ZNF804A: variants seen among roughly 807,000 people sequenced by gnomAD.
The protein encoded by ZNF804A is zinc finger protein 804A.
In ZNF804A, 2 loss-of-function variants were observed where a neutral mutation model predicts 16.5. The ratio of observed to expected loss-of-function variants is 0.12; its 90% CI spans 0.05 to 0.38. ZNF804A has a LOEUF of 0.38. ZNF804A is among the 10% of genes least tolerant of loss of function. The pLI, the probability that ZNF804A is intolerant of heterozygous loss-of-function variation, is 0.99. For missense variants in ZNF804A, 1,473 were observed against 1,390.7 expected, an observed-to-expected ratio of 1.06 and a Z score of -0.94; for synonymous variants, 534 against 489.6, an observed-to-expected ratio of 1.09 and a Z score of -1.20.
intron 2 of ZNF804A, among the ~76,000 whole-genome samples, chr2:184,902,724 T>TA (rs1685206781): frequency 6.6e-6 from 1 of 152,196 alleles, no homozygotes; most frequent in Non-Finnish European, 1.5e-5. Context: ...TTCTTTTTTT[T>TA]ACCTTATAAA....
intron 1 of ZNF804A, among the ~76,000 whole-genome samples, chr2:184,625,377 G>A (rs566844591): frequency 1.3e-5 from 2 of 152,000 alleles, no homozygotes; most frequent in South Asian, 4.2e-4. Flanking sequence ...TAGTTAACTT[G>A]AATGTTTAAC....
At chr2:184,707,413 A>AC (rs1693048256) in intron 1 of ZNF804A, among the ~76,000 whole-genome samples, 1 of 152,130 alleles carries the variant, frequency 6.6e-6, no homozygotes, top group African/African-American at 2.4e-5. Flanking sequence ...TGAGCATAGT[A>AC]CCCAGTAGGT....
At chr2:184,670,022 GT>G (rs1379764201) in intron 1 of ZNF804A, among the ~76,000 whole-genome samples, 1 of 152,022 alleles carries the variant, frequency 6.6e-6, no homozygotes, top group Non-Finnish European at 1.5e-5. Context: ...TTTTCACTAA[GT>G]TTTTAATGAT....
intron 1 of ZNF804A, among the ~76,000 whole-genome samples, chr2:184,668,877 G>A (rs1692296146): frequency 6.6e-6 from 1 of 151,804 alleles, no homozygotes; most frequent in African/African-American, 2.4e-5. Flanking sequence ...CCCGAGAATT[G>A]GTAGGCCTAG....
intron 1 of ZNF804A, among the ~76,000 whole-genome samples, chr2:184,614,499 A>G (rs1383999499): frequency 6.6e-6 from 1 of 152,216 alleles, no homozygotes; most frequent in African/African-American, 2.4e-5. Context: ...TGAACAGGCA[A>G]TCTACAGAAT....
intron 1 of ZNF804A, among the ~76,000 whole-genome samples, chr2:184,681,183 C>A (rs1692532977): frequency 6.6e-6 from 1 of 152,094 alleles, no homozygotes; most frequent in African/African-American, 2.4e-5. Context: ...TGGGCCCAGG[C>A]AAAACTCAGG....
intron 1 of ZNF804A, among the ~76,000 whole-genome samples, chr2:184,676,585 A>T (rs1406123625): frequency 6.6e-6 from 1 of 151,748 alleles, no homozygotes; most frequent in African/African-American, 2.4e-5. Context: ...CTACAATATC[A>T]TATACAATAT....
At chr2:184,828,549 C>T (rs539996776) in intron 1 of ZNF804A, among the ~76,000 whole-genome samples, 27 of 151,428 alleles carry the variant, frequency 1.8e-4, no homozygotes, top group African/African-American at 6.0e-4. Context: ...TACCTTCCCC[C>T]TCAATTTTGT....
intron 2 of ZNF804A, among the ~76,000 whole-genome samples, chr2:184,892,883 A>T (rs534547594): frequency 7.0e-4 from 107 of 152,178 alleles, no homozygotes; most frequent in Middle Eastern, 3.4e-3. Context: ...TGTATTTATG[A>T]TTATATTTTG....
At chr2:184,699,925 A>G (rs1280719200) in intron 1 of ZNF804A, among the ~76,000 whole-genome samples, 1 of 152,066 alleles carries the variant, frequency 6.6e-6, no homozygotes, top group Non-Finnish European at 1.5e-5. Context: ...ATCTCACTCA[A>G]ACAATACGCC....
At chr2:184,935,504 G>T (rs1295826071) in intron 3 of ZNF804A, among the ~76,000 whole-genome samples, 2 of 152,086 alleles carry the variant, frequency 1.3e-5, no homozygotes, top group African/African-American at 4.8e-5. Context: ...AGACAATTTT[G>T]GTCAGATAGA....
intron 1 of ZNF804A, among the ~76,000 whole-genome samples, chr2:184,780,209 C>T (rs907270555): frequency 2.6e-5 from 4 of 151,602 alleles, no homozygotes; most frequent in African/African-American, 7.3e-5. Context: ...TTATGTAGTA[C>T]CAGAGCGAAA....
chr2:184,731,378 C>CA (rs1355061235), intron 1 of ZNF804A, among the ~76,000 whole-genome samples: 2 of 149,798 alleles, frequency 1.3e-5, no homozygotes, highest in African/African-American at 4.9e-5. Context: ...CATTGCTCTA[C>CA]ATCCTTGTCA....
At chr2:184,831,598 G>C (rs1695262768) in intron 1 of ZNF804A, among the ~76,000 whole-genome samples, 1 of 151,954 alleles carries the variant, frequency 6.6e-6, no homozygotes, top group Non-Finnish European at 1.5e-5. Flanking sequence ...TAATGAATCA[G>C]GAACTGCCTG....
intron 1 of ZNF804A, among the ~76,000 whole-genome samples, chr2:184,788,823 G>A (rs1192294007): frequency 6.6e-6 from 1 of 151,812 alleles, no homozygotes; most frequent in Non-Finnish European, 1.5e-5. Context: ...TGCATTTAAT[G>A]TTTTCTTCTA....
chr2:184,906,613 A>C (rs1022805292), intron 2 of ZNF804A, among the ~76,000 whole-genome samples: 6 of 151,792 alleles, frequency 4.0e-5, no homozygotes, highest in Admixed American at 2.6e-4. Context: ...TTTCCTTTTT[A>C]ATGTCATCTT....
intron 1 of ZNF804A, among the ~76,000 whole-genome samples, chr2:184,684,756 G>A (rs1385933446): frequency 5.3e-5 from 8 of 151,164 alleles, no homozygotes; most frequent in African/African-American, 1.9e-4. Context: ...TTGTTCCCAT[G>A]CTTCTGTTAA....
intron 1 of ZNF804A, among the ~76,000 whole-genome samples, chr2:184,628,023 T>TA (rs1221333849): frequency 2.0e-5 from 3 of 152,088 alleles, no homozygotes; most frequent in African/African-American, 7.2e-5. Flanking sequence ...ATAAAAGATG[T>TA]AAAGAATATG....
chr2:184,747,555 A>T (rs1574192954), intron 1 of ZNF804A, among the ~76,000 whole-genome samples: 1 of 151,266 alleles, frequency 6.6e-6, no homozygotes, highest in South Asian at 2.1e-4. Context: ...ATAAGCGGAA[A>T]TAAAAAGAGA....
Sources: allele counts gnomAD v4.1 joint callset (sites outside exome capture counted in the v4.1 genomes callset), GRCh38; gene constraint gnomAD v4.1.1; transcripts MANE v1.5; gene names NCBI Gene and HGNC (gene_info 2026-07-23, HGNC 2026-07-21).